The following TNFRSF19 variants were observed in gnomAD, a reference collection of about 807,000 sequenced individuals.
TNFRSF19 encodes TNF receptor superfamily member 19.
A neutral mutation model predicts 46.4 loss-of-function variants in TNFRSF19; 27 were observed. The ratio of observed to expected loss-of-function variants is 0.58; its 90% CI spans 0.43 to 0.80. TNFRSF19 has a LOEUF of 0.80. Ranked by LOEUF, TNFRSF19 falls within the 30% of genes least tolerant of loss-of-function variation. The probability of loss-of-function intolerance (pLI) is 0.00; values close to 1 mark genes in which losing one functional copy is unlikely to be tolerated. For synonymous variants in TNFRSF19, 204 were observed against 205.0 expected (o/e 1.00, Z 0.04); for missense variants, 511 against 530.8 (o/e 0.96, Z 0.37).
At chr13:23,661,269 T>G (rs942488720) in intron 7 of TNFRSF19, among the ~76,000 whole-genome samples, 1 of 152,208 alleles carries the variant, frequency 6.6e-6, no homozygotes, top group Non-Finnish European at 1.5e-5. Flanking sequence ...ATTTAGCTCT[T>G]GCTTATAAGT....
intron 2 of TNFRSF19, among the ~76,000 whole-genome samples, chr13:23,591,120 A>T (rs914440661): frequency 1.3e-5 from 2 of 152,216 alleles, no homozygotes; most frequent in Non-Finnish European, 2.9e-5. Flanking sequence ...ATATATAAAG[A>T]AAGATTTACA....
chr13:23,601,808 G>T (rs1880182522), intron 3 of TNFRSF19, among the ~76,000 whole-genome samples: 1 of 152,096 alleles, frequency 6.6e-6, no homozygotes, highest in South Asian at 2.1e-4. Flanking sequence ...AGGAGGCTTG[G>T]ACTGGTTATA....
chr13:23,648,530 C>T (rs1473518099), intron 5 of TNFRSF19, among the ~76,000 whole-genome samples: 1 of 152,144 alleles, frequency 6.6e-6, no homozygotes, highest in Non-Finnish European at 1.5e-5. Flanking sequence ...GTCATCTACA[C>T]ATAGAGGTAG....
chr13:23,615,570 A>T (rs1881218626), intron 3 of TNFRSF19, among the ~76,000 whole-genome samples: 2 of 152,238 alleles, frequency 1.3e-5, no homozygotes, highest in Admixed American at 1.3e-4. Flanking sequence ...GAGGAGAAGA[A>T]GTGCCATAAT....
At chr13:23,645,763 A>G (rs1201455941) in intron 5 of TNFRSF19, among the ~76,000 whole-genome samples, 1 of 152,064 alleles carries the variant, frequency 6.6e-6, no homozygotes, top group Non-Finnish European at 1.5e-5. Context: ...TTTTGAATTT[A>G]TATCTCCAGC....
At chr13:23,614,648 G>C (rs9553018) in intron 3 of TNFRSF19, among the ~76,000 whole-genome samples, 13,237 of 151,622 alleles carry the variant, frequency 0.087, 695 homozygotes, top group East Asian at 0.22. Flanking sequence ...TCTGTTTTTT[G>C]TTAATGATGA....
chr13:23,638,818 G>C (rs193149330), intron 5 of TNFRSF19, among the ~76,000 whole-genome samples: 1 of 152,050 alleles, frequency 6.6e-6, no homozygotes, highest in Non-Finnish European at 1.5e-5. Context: ...ATCACGCTGC[G>C]GGTTCCTGTC....
At chr13:23,603,705 A>G (rs1205078360) in intron 3 of TNFRSF19, among the ~76,000 whole-genome samples, 3 of 152,044 alleles carry the variant, frequency 2.0e-5, no homozygotes, top group Non-Finnish European at 4.4e-5. Flanking sequence ...CAGTGGGCTA[A>G]AGGGGAAAAA....
chr13:23,573,273 C>T (rs1593221253), intron 1 of TNFRSF19, among the ~76,000 whole-genome samples: 1 of 151,858 alleles, frequency 6.6e-6, no homozygotes, highest in Admixed American at 6.6e-5. Context: ...TATTGTAGTG[C>T]ATTTTTTTTT....
At chr13:23,639,690 C>G (rs1882913033) in intron 5 of TNFRSF19, among the ~76,000 whole-genome samples, 1 of 152,136 alleles carries the variant, frequency 6.6e-6, no homozygotes, top group Admixed American at 6.5e-5. Context: ...GAAGATTTGG[C>G]CAGCAGGGCA....
chr13:23,669,103 G>T lies in TNFRSF19; in HGVS notation c.1245+6G>T. On this transcript the variant is annotated splice_donor_region_variant and intron_variant, in intron 9 of 9. Transcript: ENST00000248484. ...CCACTCAGACGTCCCTCCAGGTAAG[G>T]CAGCGACTGGGTTCCCTGTGAACAC... 1.9e-6 allele frequency: 3 copies of T among 1,612,708 alleles called. No homozygotes were observed. Among genetic ancestry groups the T allele is most frequent in the Non-Finnish European group, 2.5e-6 (3 of 1,179,448 alleles).
chr13:23,587,128 G>T (rs1400157814), intron 1 of TNFRSF19, among the ~76,000 whole-genome samples: 1 of 151,850 alleles, frequency 6.6e-6, no homozygotes, highest in African/African-American at 2.4e-5. Context: ...GAACACTGAA[G>T]CATATAAAAG....
At chr13:23,607,532 A>G (rs1190788696) in intron 3 of TNFRSF19, among the ~76,000 whole-genome samples, 1 of 152,232 alleles carries the variant, frequency 6.6e-6, no homozygotes, top group Non-Finnish European at 1.5e-5. Context: ...TTGGTTACCT[A>G]TGGTATTTGA....
chr13:23,593,110 T>G (rs1031882297), intron 2 of TNFRSF19, among the ~76,000 whole-genome samples: 3 of 152,156 alleles, frequency 2.0e-5, no homozygotes, highest in African/African-American at 7.2e-5. Flanking sequence ...ATACCCTGTT[T>G]AGAGAATCAA....
At chr13:23,570,880 G>A (rs1877595657) in intron 1 of TNFRSF19, 32 bp downstream of exon 1, 1 of 152,172 alleles carries the variant, frequency 6.6e-6, no homozygotes, top group Admixed American at 6.5e-5. Context: ...GCATGTTGCA[G>A]GTACTCTGTT....
rs1056510557 is a variant in TNFRSF19 at position 23,673,976 on chromosome 13, T to C, written c.*596T>C. 1 of 152,174 alleles carries C rather than the reference T, an allele frequency of 6.6e-6. No individual in the cohort carries two copies. 9.4% of individuals were successfully genotyped at this position (152,174 alleles called of 1,614,324 possible). On this transcript the variant is annotated 3_prime_UTR_variant, in exon 10 of 10. Transcript: ENST00000248484. ...AATCTTGGGTTTATTAGATGAAGTT[T>C]ACTGAATCAGAGGAATCAGACAGAG...
chr13:23,597,538 C>A (rs1463407059), intron 3 of TNFRSF19, among the ~76,000 whole-genome samples: 1 of 152,160 alleles, frequency 6.6e-6, no homozygotes, highest in Non-Finnish European at 1.5e-5. Context: ...CCTCCCTAGA[C>A]TAAACCAGGA....
chr13:23,573,845 G>A (rs1003562670), intron 1 of TNFRSF19, among the ~76,000 whole-genome samples: 4 of 151,968 alleles, frequency 2.6e-5, no homozygotes, highest in Admixed American at 2.6e-4. Flanking sequence ...GACGGATCAC[G>A]AGGTCAGGAG....
intron 5 of TNFRSF19, among the ~76,000 whole-genome samples, chr13:23,652,150 A>G (rs923855435): frequency 1.6e-4 from 25 of 152,190 alleles, no homozygotes; most frequent in Admixed American, 2.6e-4. Flanking sequence ...ACTTTTGTAC[A>G]AAAGACAAAT....
Sources: allele counts gnomAD v4.1 joint callset (sites outside exome capture counted in the v4.1 genomes callset), GRCh38; gene constraint gnomAD v4.1.1; transcripts MANE v1.5; gene names NCBI Gene and HGNC (gene_info 2026-07-23, HGNC 2026-07-21).